DNAAF11: variants seen among roughly 807,000 people sequenced by gnomAD.
DNAAF11 encodes the protein leucine rich repeat containing 6.
Under a neutral mutation model 60.8 loss-of-function variants are expected in DNAAF11, and 45 were observed. That is an observed-to-expected ratio of 0.74 (90% CI 0.58 to 0.95). The LOEUF is 0.95. DNAAF11 is among the 40% of genes least tolerant of loss of function. The pLI is 0.00. For synonymous variants in DNAAF11, 191 were observed against 183.5 expected (o/e 1.04, Z -0.33); for missense variants, 546 against 546.2 (o/e 1.00, Z 0.00).
chr8:132,611,536 T>G (rs1262468272), intron 8 of DNAAF11, among the ~76,000 whole-genome samples, 173 bp from the exon 9 acceptor site: 1 of 152,200 alleles, frequency 6.6e-6, no homozygotes, highest in Non-Finnish European at 1.5e-5. Flanking sequence ...CAAAGGAAAT[T>G]CAATATATCA....
At chr8:132,576,389 C>T (rs1169863639) in intron 11 of DNAAF11, among the ~76,000 whole-genome samples, 1 of 152,066 alleles carries the variant, frequency 6.6e-6, no homozygotes, top group African/African-American at 2.4e-5. Flanking sequence ...CCTCAATAAC[C>T]TTACTAAGTA....
chr8:132,610,199 C>T lies in DNAAF11; in HGVS notation c.1107G>A (p.Gln369=). 4.3e-6 allele frequency: 7 copies of T among 1,613,978 alleles called. No individual in the cohort carries two copies. The highest frequency in any genetic ancestry group is 5.9e-6 in the Non-Finnish European group (7 of 1,179,938). ...KPDSSSAKRS[Q]TTGHLVICMP... Reference sequence around the variant, plus strand: ...TGCAGATGACCAAATGACCCGTTGTCTGAGATCTTTTAGCAGAACTACTAT... The same window carrying T: ...TGCAGATGACCAAATGACCCGTTGTTTGAGATCTTTTAGCAGAACTACTAT... Residue 369 remains glutamine, a synonymous_variant, in exon 10 of 12, where the codon CAG becomes CAA. Transcript: ENST00000620350.
chr8:132,595,347 GGAAAAAAA>G (rs1215835140), intron 10 of DNAAF11, among the ~76,000 whole-genome samples: 3 of 40,676 alleles, frequency 7.4e-5, no homozygotes, highest in African/African-American at 2.4e-4. Context: ...GAGACAGAGG[GGAAAAAAA>G]AAAAAAAAAA....
At chr8:132,587,872 C>T (rs1816063235) in intron 10 of DNAAF11, among the ~76,000 whole-genome samples, 1 of 152,174 alleles carries the variant, frequency 6.6e-6, no homozygotes, top group African/African-American at 2.4e-5. Context: ...CACTTTTCTA[C>T]AGAATACAAA....
chr8:132,592,050 G>T (rs1586505878), intron 10 of DNAAF11, among the ~76,000 whole-genome samples: 1 of 152,050 alleles, frequency 6.6e-6, no homozygotes, highest in Non-Finnish European at 1.5e-5. Flanking sequence ...ATGAACTAAG[G>T]TTTTCCAAAT....
At chr8:132,627,408 T>C (rs1015975011) in intron 5 of DNAAF11, among the ~76,000 whole-genome samples, 2 of 152,270 alleles carry the variant, frequency 1.3e-5, no homozygotes, top group Middle Eastern at 3.4e-3. Flanking sequence ...GTGAGCTCAT[T>C]AGTGTATGAT....
the DNAAF11 span, among the ~76,000 whole-genome samples, chr8:132,696,470 C>T: frequency 6.6e-6 from 1 of 152,092 alleles, no homozygotes. Flanking sequence ...ATGTGAATTT[C>T]ATAGCAGCAT....
chr8:132,581,131 A>C (rs1161988324), intron 11 of DNAAF11, among the ~76,000 whole-genome samples: 1 of 152,206 alleles, frequency 6.6e-6, no homozygotes, highest in African/African-American at 2.4e-5. Context: ...ACTTTAAACA[A>C]ACTTAATTCC....
In DNAAF11 at chr8:132,675,362, G is replaced by A. The variant is rs183031770; in HGVS notation, c.10+122C>T. 4.8e-4 allele frequency: 537 copies of A among 1,123,724 alleles called. 5 individuals are homozygous for A. The African/African-American group carries it at 7.5e-3, about 16-fold the overall frequency. The allele number at this position is 1,123,724 out of a possible 1,614,324, so 69.6% of individuals were successfully genotyped here. ...GGTGCGGAGGGCCGGGTGGGGTTAG[G>A]GTCCGCCCAGGCGCGGGGGAACCGA... On this transcript the variant is annotated intron_variant, in intron 1 of 11. Coordinates refer to ENST00000620350, the MANE Select transcript of DNAAF11 (RefSeq NM_012472.6).
At chr8:132,683,690 A>C in the DNAAF11 span, among the ~76,000 whole-genome samples, 1 of 152,150 alleles carries the variant, frequency 6.6e-6, no homozygotes, top group Non-Finnish European at 1.5e-5. Context: ...CACAAAATGA[A>C]ATCTTGCTGC....
intron 6 of DNAAF11, 114 bp from the exon 7 acceptor site, chr8:132,622,802 G>T: frequency 2.7e-6 from 2 of 734,106 alleles, no homozygotes; most frequent in East Asian, 2.5e-5. Flanking sequence ...AAATTAATTG[G>T]ACTTTTACGA....
chr8:132,609,649 A>G (rs1489195336), intron 10 of DNAAF11, among the ~76,000 whole-genome samples: 2 of 152,192 alleles, frequency 1.3e-5, no homozygotes, highest in Non-Finnish European at 2.9e-5. Flanking sequence ...AGATAGGAAC[A>G]TGAAAGTATG....
intron 11 of DNAAF11, among the ~76,000 whole-genome samples, chr8:132,579,824 G>T (rs1215768322): frequency 6.6e-6 from 1 of 152,012 alleles, no homozygotes; most frequent in South Asian, 2.1e-4. Context: ...GCAAAAACCT[G>T]TCTCTACTAA....
chr8:132,590,130 C>T (rs903043293), intron 10 of DNAAF11, among the ~76,000 whole-genome samples: 1 of 152,184 alleles, frequency 6.6e-6, no homozygotes, highest in Non-Finnish European at 1.5e-5. Context: ...CTGCTGGCTT[C>T]ACTATCACTA....
intron 4 of DNAAF11, among the ~76,000 whole-genome samples, chr8:132,637,607 A>C (rs1314946526): frequency 6.6e-6 from 1 of 151,916 alleles, no homozygotes; most frequent in Non-Finnish European, 1.5e-5. Context: ...TCCATCTCAA[A>C]AAAAAAAAAA....
chr8:132,699,672 C>A, the DNAAF11 span, among the ~76,000 whole-genome samples: 2 of 151,978 alleles, frequency 1.3e-5, no homozygotes, highest in African/African-American at 4.8e-5. Context: ...TTTACAATAG[C>A]CCCAAAAGTG....
At chr8:132,669,593 G>T (rs993331593) in intron 1 of DNAAF11, among the ~76,000 whole-genome samples, 1 of 152,178 alleles carries the variant, frequency 6.6e-6, no homozygotes, top group Admixed American at 6.5e-5. Context: ...TGGACTGGGA[G>T]CACTATGAAG....
chr8:132,625,354 T>TATTCCAGAA lies in DNAAF11; in HGVS notation c.745_753dup (p.Phe249_Asn251dup). Reference sequence around the variant, plus strand: ...GATTCAGGAGTAAACAAACAGGGCTTATTCCAGAATTCCAAGTCATCTTCA... The same window carrying TATTCCAGAA: ...GATTCAGGAGTAAACAAACAGGGCTTATTCCAGAAATTCCAGAATTCCAAGTCATCTTCA... On this transcript the variant is annotated inframe_insertion, in exon 6 of 12. Coordinates refer to ENST00000620350, the MANE Select transcript of DNAAF11 (RefSeq NM_012472.6). The TATTCCAGAA allele has an allele frequency of 6.2e-7, 1 of 1,613,652 alleles. No homozygotes were observed. Among genetic ancestry groups the TATTCCAGAA allele is most frequent in the Non-Finnish European group, 8.5e-7 (1 of 1,179,692 alleles).
chr8:132,620,734 T>C (rs185249603), intron 7 of DNAAF11, among the ~76,000 whole-genome samples: 3 of 152,290 alleles, frequency 2.0e-5, no homozygotes, highest in East Asian at 3.9e-4. Context: ...AATTATCTTA[T>C]GGTCTTCATG....
Sources: gnomAD v4.1 joint callset for allele counts (sites outside exome capture counted in the v4.1 genomes callset) on GRCh38, gnomAD v4.1.1 for gene constraint, MANE v1.5 for transcripts, NCBI Gene and HGNC (gene_info 2026-07-23, HGNC 2026-07-21) for gene names.